The following ARK2N variants were observed in gnomAD, a reference collection of about 807,000 sequenced individuals.
ARK2N encodes protein ARK2N.
At chr18:46,232,234 C>T in the ARK2N span, 1 of 152,086 alleles carries the variant, frequency 6.6e-6, no homozygotes, top group South Asian at 2.1e-4. Context: ...AGAAAGATGG[C>T]AAACAGGCTT....
At chr18:46,229,812 C>T in the ARK2N span, among the ~76,000 whole-genome samples, 1 of 152,162 alleles carries the variant, frequency 6.6e-6, no homozygotes, top group East Asian at 1.9e-4. Flanking sequence ...CTCTGTTGCC[C>T]AGGCTGGTCT....
chr18:46,235,768 A>G, the ARK2N span, among the ~76,000 whole-genome samples: 1 of 152,190 alleles, frequency 6.6e-6, no homozygotes, highest in Non-Finnish European at 1.5e-5. Flanking sequence ...GTGTTTGTTT[A>G]GTTTTAAAAT....
chr18:46,216,483 G>A, the ARK2N span: 1 of 1,614,172 alleles, frequency 6.2e-7, no homozygotes. The surrounding 1 kb of genome is among the most constrained non-coding windows in gnomAD (Gnocchi z 4.3). Flanking sequence ...ATAACCTGCT[G>A]CAGGACAGTA....
the ARK2N span, among the ~76,000 whole-genome samples, chr18:46,179,825 A>G: frequency 6.6e-6 from 1 of 151,998 alleles, no homozygotes; most frequent in African/African-American, 2.4e-5. Context: ...GGGTTTCTCC[A>G]TGTTAGTCAG....
the ARK2N span, among the ~76,000 whole-genome samples, chr18:46,203,645 T>C: frequency 2.0e-5 from 3 of 152,218 alleles, no homozygotes; most frequent in Admixed American, 1.3e-4. Context: ...TTGTCCAGGC[T>C]GGAGTGCAAG....
chr18:46,216,827 AGATTATTTTTAAGTAATGGAATTTCTCAT>A, the ARK2N span: 1 of 464,702 alleles, frequency 2.2e-6, no homozygotes, highest in Non-Finnish European at 3.9e-6. This position sits in a 1 kb window ranked among gnomAD's most constrained non-coding sequence, Gnocchi z 4.3. Context: ...GATAGGGACA[AGATTATTTTTAAGTAATGGAATTTCTCAT>A]AAGTCTGTCT....
At chr18:46,174,932 C>CA in the ARK2N span, among the ~76,000 whole-genome samples, 4 of 152,350 alleles carry the variant, frequency 2.6e-5, no homozygotes, top group South Asian at 8.3e-4. Context: ...TCGGCGCTTC[C>CA]ACTACCTTCG....
the ARK2N span, among the ~76,000 whole-genome samples, chr18:46,239,835 A>G: frequency 6.6e-6 from 1 of 152,114 alleles, no homozygotes; most frequent in Non-Finnish European, 1.5e-5. Context: ...GTAAGCTTGG[A>G]TTATCTTTTT....
the ARK2N span, chr18:46,218,089 CCTTTTTGTGG>C: frequency 6.6e-6 from 1 of 152,136 alleles, no homozygotes; most frequent in Non-Finnish European, 1.5e-5. Flanking sequence ...CAATACTTTG[CCTTTTTGTGG>C]AAAGGAAGAA....
chr18:46,259,885 C>CTGTGTGTGTGTG, the ARK2N span, among the ~76,000 whole-genome samples: 25 of 81,696 alleles, frequency 3.1e-4, 6 homozygotes, highest in African/African-American at 7.3e-4. Context: ...ATCCTCCCGT[C>CTGTGTGTGTGTG]TGTGTGTGTG....
the ARK2N span, among the ~76,000 whole-genome samples, chr18:46,187,971 C>T: frequency 6.6e-6 from 1 of 152,156 alleles, no homozygotes; most frequent in African/African-American, 2.4e-5. Flanking sequence ...TAATAACTCC[C>T]TCTTCCCTCC....
At chr18:46,221,479 G>C in the ARK2N span, among the ~76,000 whole-genome samples, 1 of 148,956 alleles carries the variant, frequency 6.7e-6, no homozygotes, top group African/African-American at 2.5e-5. Context: ...AGAATCACTT[G>C]AACCTGGGAG....
the ARK2N span, among the ~76,000 whole-genome samples, chr18:46,246,815 C>A: frequency 1.3e-4 from 20 of 152,098 alleles, no homozygotes; most frequent in Admixed American, 1.3e-3. Context: ...GTGGTGCATG[C>A]CTGTAATCCC....
the ARK2N span, among the ~76,000 whole-genome samples, chr18:46,262,679 A>C: frequency 1.3e-5 from 2 of 152,162 alleles, no homozygotes; most frequent in Admixed American, 1.3e-4. Context: ...GACACAACTC[A>C]GGAGTTTCTG....
the ARK2N span, among the ~76,000 whole-genome samples, chr18:46,194,985 A>T: frequency 6.6e-6 from 1 of 151,090 alleles, no homozygotes; most frequent in East Asian, 2.0e-4. Flanking sequence ...TAGTTTTAGT[A>T]GTGACGGGGT....
the ARK2N span, among the ~76,000 whole-genome samples, chr18:46,189,212 C>CAAAA: frequency 5.4e-4 from 47 of 86,866 alleles, 3 homozygotes; most frequent in African/African-American, 2.1e-3. Context: ...GAGACTGTCT[C>CAAAA]AAAAAAAAAA....
the ARK2N span, among the ~76,000 whole-genome samples, chr18:46,183,772 C>T: frequency 2.0e-5 from 3 of 152,094 alleles, no homozygotes; most frequent in Non-Finnish European, 4.4e-5. Context: ...GGTGGGAAAA[C>T]TGACTCAAAA....
At chr18:46,214,627 T>C in the ARK2N span, among the ~76,000 whole-genome samples, 1 of 152,214 alleles carries the variant, frequency 6.6e-6, no homozygotes, top group Non-Finnish European at 1.5e-5. Context: ...GGTTAAATAT[T>C]ATGTCCTGTA....
At chr18:46,263,797 ACT>A in the ARK2N span, 1 of 152,596 alleles carries the variant, frequency 6.6e-6, no homozygotes, top group South Asian at 2.1e-4. Flanking sequence ...ATAATTAATA[ACT>A]CTTTGCAAAA....
Sources: gnomAD v4.1 joint callset for allele counts (sites outside exome capture counted in the v4.1 genomes callset) on GRCh38, gnomAD v4.1.1 for gene constraint, Gnocchi (gnomAD v3.1) non-coding constraint, MANE v1.5 for transcripts, NCBI Gene and HGNC (gene_info 2026-07-23, HGNC 2026-07-21) for gene names.